Variants in CDK14 observed in about 807,000 individuals in gnomAD.
CDK14 encodes the protein cyclin-dependent kinase 14.
In CDK14, 34 loss-of-function variants were observed where a neutral mutation model predicts 60.7. That is an observed-to-expected ratio of 0.56 (90% CI 0.43 to 0.75). The LOEUF (loss-of-function observed/expected upper bound fraction) is 0.75. CDK14 is among the 30% of genes least tolerant of loss of function. The pLI, the probability that CDK14 is intolerant of heterozygous loss-of-function variation, is 0.00. For missense variants in CDK14, 482 were observed against 564.1 expected (o/e 0.85, Z 1.47); for synonymous variants, 197 against 203.7 (o/e 0.97, Z 0.28).
chr7:90,886,533 G>C (rs1791951758), intron 6 of CDK14, among the ~76,000 whole-genome samples: 1 of 152,126 alleles, frequency 6.6e-6, no homozygotes. Context: ...AAACAGACTA[G>C]ATGGGATTTT....
At chr7:91,093,713 G>A (rs965624298) in intron 12 of CDK14, among the ~76,000 whole-genome samples, 2 of 151,956 alleles carry the variant, frequency 1.3e-5, no homozygotes, top group African/African-American at 2.4e-5. Flanking sequence ...TACCAAAATG[G>A]CATATGCACT....
At chr7:91,135,496 G>C (rs2080996380) in intron 14 of CDK14, among the ~76,000 whole-genome samples, 1 of 152,150 alleles carries the variant, frequency 6.6e-6, no homozygotes, top group African/African-American at 2.4e-5. Context: ...ACAGAGAAAA[G>C]ATAGCCGGGT....
At chr7:91,190,695 G>A (rs115396422) in intron 14 of CDK14, among the ~76,000 whole-genome samples, 2,070 of 152,136 alleles carry the variant, frequency 0.014, 34 homozygotes, top group South Asian at 0.029. Flanking sequence ...TCGCCATGCC[G>A]GACAGGCTGG....
rs182462047 is a variant in CDK14 at position 90,826,421 on chromosome 7, G to A, written c.544+35769G>A. On this transcript the variant is annotated intron_variant, in intron 5 of 14. Coordinates refer to ENST00000380050, the MANE Select transcript of CDK14 (RefSeq NM_001287135.2). Reference sequence around the variant, plus strand: ...TTTAGTAGAGACAGGGTTTCACCACGTTGTCCAGGCTGGTCTTGATCACCT... The same window carrying A: ...TTTAGTAGAGACAGGGTTTCACCACATTGTCCAGGCTGGTCTTGATCACCT... Among the ~76,000 whole-genome samples the A allele has an allele frequency of 1.4e-3, 208 of 152,092 alleles. 1 individual carries two copies. Among genetic ancestry groups the A allele is most frequent in the African/African-American group, 4.7e-3 (195 of 41,488 alleles).
At chr7:91,073,136 C>G (rs1798202474) in intron 11 of CDK14, among the ~76,000 whole-genome samples, 1 of 152,098 alleles carries the variant, frequency 6.6e-6, no homozygotes, top group African/African-American at 2.4e-5. Context: ...CCTAGCAAGA[C>G]AGGCCAACAT....
chr7:91,205,070 C>G (rs1274685177), intron 14 of CDK14, among the ~76,000 whole-genome samples: 1 of 152,016 alleles, frequency 6.6e-6, no homozygotes, highest in Non-Finnish European at 1.5e-5. Context: ...AAATTGGAAC[C>G]CTTGTGCATT....
At position 90,930,998 on chromosome 7, in the gene CDK14, A is replaced by G. The variant is rs60495130; in HGVS notation, c.826+13274A>G. On this transcript the variant is annotated intron_variant, in intron 8 of 14. Coordinates refer to ENST00000380050, the MANE Select transcript of CDK14 (RefSeq NM_001287135.2). ...ATGACTTCTTGTACATCTTTTAAAT[A>G]ACAACATGAAGAGCTTTCAAGTAGT... 5.9e-3 allele frequency among the ~76,000 whole-genome samples: 903 copies of G among 152,324 alleles called. 15 individuals carry two copies. The highest frequency in any genetic ancestry group is 0.021 in the African/African-American group (854 of 41,576).
At chr7:90,657,666 C>T (rs986452701) in intron 2 of CDK14, among the ~76,000 whole-genome samples, 2 of 152,124 alleles carry the variant, frequency 1.3e-5, no homozygotes, top group African/African-American at 4.8e-5. Flanking sequence ...ACATATGGGC[C>T]AGTGGCTACT....
At chr7:90,637,995 T>TCCGC (rs200779311) in intron 2 of CDK14, among the ~76,000 whole-genome samples, 1 of 125,842 alleles carries the variant, frequency 7.9e-6, no homozygotes, top group Non-Finnish European at 1.6e-5. Context: ...TGGTAGATCT[T>TCCGC]CATCCTTTTA....
intron 10 of CDK14, among the ~76,000 whole-genome samples, chr7:91,032,332 A>G (rs1040413541): frequency 2.6e-5 from 4 of 152,188 alleles, no homozygotes; most frequent in Non-Finnish European, 4.4e-5. Flanking sequence ...TACAAATAAT[A>G]TCTTGTAAAT....
intron 10 of CDK14, among the ~76,000 whole-genome samples, chr7:91,008,127 C>CAAAAAAAAAAAAAAAAAA (rs56082719): frequency 9.6e-5 from 6 of 62,590 alleles, no homozygotes; most frequent in Non-Finnish European, 1.3e-4. Context: ...GGGAGAAGGC[C>CAAAAAAAAAAAAAAAAAA]AAAAAAAAAA....
intron 14 of CDK14, among the ~76,000 whole-genome samples, chr7:91,123,160 G>A (rs1799835082): frequency 6.6e-6 from 1 of 152,204 alleles, no homozygotes; most frequent in Admixed American, 6.5e-5. Context: ...CTTTTAAGGT[G>A]TGTTGCATTT....
chr7:90,973,362 C>A (rs751166766), intron 9 of CDK14, among the ~76,000 whole-genome samples: 2 of 152,088 alleles, frequency 1.3e-5, no homozygotes, highest in African/African-American at 4.8e-5. Flanking sequence ...GTGTCATGAT[C>A]CCTCTGGAAT....
chr7:90,742,104 ATTAG>A (rs1269324109), intron 3 of CDK14, among the ~76,000 whole-genome samples: 2 of 151,996 alleles, frequency 1.3e-5, no homozygotes, highest in African/African-American at 2.4e-5. Flanking sequence ...CTTTTGTTTA[ATTAG>A]TTAGTTAATT....
rs115275729 is a variant in CDK14 at position 91,073,102 on chromosome 7, T to C, written c.1106-6330T>C. ...CCAAGTTGGAAAACACATTTCAGGATATTATCTAGGAGTACTTCCCCAACC... is the reference window on the plus strand; with the variant it reads ...CCAAGTTGGAAAACACATTTCAGGACATTATCTAGGAGTACTTCCCCAACC... On this transcript the variant is annotated intron_variant, in intron 11 of 14. Coordinates refer to ENST00000380050, the MANE Select transcript of CDK14 (RefSeq NM_001287135.2). Among the ~76,000 whole-genome samples the C allele has an allele frequency of 8.1e-3, 1,230 of 152,254 alleles. 17 individuals carry two copies. The highest frequency in any genetic ancestry group is 0.028 in the African/African-American group (1,173 of 41,536).
chr7:91,131,056 A>G (rs956267008), intron 14 of CDK14, among the ~76,000 whole-genome samples: 7 of 151,678 alleles, frequency 4.6e-5, no homozygotes, highest in African/African-American at 1.7e-4. Context: ...CCTGAGTAGC[A>G]GTCAGTCAGA....
chr7:90,743,944 TA>T (rs900033404), intron 3 of CDK14, among the ~76,000 whole-genome samples: 61 of 152,252 alleles, frequency 4.0e-4, no homozygotes, highest in African/African-American at 1.4e-3. Flanking sequence ...TTTCCTTTAA[TA>T]GGGGAAGTTG....
In CDK14 at chr7:91,209,228, T is replaced by C. The variant is rs1397454808; in HGVS notation, c.*2092T>C. ...TGTTGAAAGACTTCAATTAGGGCTA[T>C]TAGAGTTATATCTCCCTGTCGTAGG... On this transcript the variant is annotated 3_prime_UTR_variant, in exon 15 of 15. Coordinates refer to ENST00000380050, the MANE Select transcript of CDK14 (RefSeq NM_001287135.2). 1 of 152,236 alleles carries C rather than the reference T, an allele frequency of 6.6e-6. No homozygotes were observed. The highest frequency in any genetic ancestry group is 1.5e-5 in the Non-Finnish European group (1 of 68,046). The allele number at this position is 152,236 out of a possible 1,614,324, so 9.4% of individuals were successfully genotyped here. A position where few individuals can be genotyped will look rare whatever the true frequency, so the allele number is the denominator to read the frequency against.
At chr7:91,067,547 A>G (rs577530766) in intron 11 of CDK14, among the ~76,000 whole-genome samples, 188 of 152,264 alleles carry the variant, frequency 1.2e-3, no homozygotes, top group African/African-American at 4.4e-3. Context: ...CTGTAATTCT[A>G]TATTTAGTTT....
Sources: gnomAD v4.1 joint callset for allele counts (sites outside exome capture counted in the v4.1 genomes callset) on GRCh38, gnomAD v4.1.1 for gene constraint, MANE v1.5 for transcripts, NCBI Gene and HGNC (gene_info 2026-07-23, HGNC 2026-07-21) for gene names.